The following PCBP3 variants were observed in gnomAD, a reference collection of about 807,000 sequenced individuals.
PCBP3 encodes poly(rC) binding protein 3.
A neutral mutation model predicts 52.7 loss-of-function variants in PCBP3; 25 were observed. The ratio of observed to expected loss-of-function variants is 0.47; its 90% confidence interval spans 0.35 to 0.66. The LOEUF is 0.66. PCBP3 is among the 30% of genes least tolerant of loss of function. The pLI is 0.01. For missense variants in PCBP3, 391 were observed against 490.3 expected, an observed-to-expected ratio of 0.80 and a Z score of 1.91; for synonymous variants, 162 against 183.0, an observed-to-expected ratio of 0.89 and a Z score of 0.93.
Position 45,880,768 on chromosome 21 carries a change from A to G in PCBP3, c.11-15440A>G, listed in dbSNP as rs2095383099. Among the ~76,000 whole-genome samples, 1 of 152,126 alleles carries G rather than the reference A, an allele frequency of 6.6e-6. No individual in the cohort carries two copies. ...CAATACCCTCCAGAAGAAGGTCCTG[A>G]TAAGTGGGTGGGAGAACTCACCCTG... On this transcript the variant is annotated intron_variant, in intron 5 of 17. Transcript: ENST00000681687. This position sits in a 1 kb window ranked among gnomAD's most constrained non-coding sequence, Gnocchi z 5.4.
At chr21:45,898,273 C>T (rs1056686900) in intron 6 of PCBP3, among the ~76,000 whole-genome samples, 1 of 151,972 alleles carries the variant, frequency 6.6e-6, no homozygotes, top group African/African-American at 2.4e-5. Flanking sequence ...CAGTGTCCTC[C>T]TCCCTCCACG....
intron 9 of PCBP3, among the ~76,000 whole-genome samples, chr21:45,905,525 C>T (rs1177019899): frequency 1.3e-5 from 2 of 152,248 alleles, no homozygotes; most frequent in Non-Finnish European, 2.9e-5. Flanking sequence ...CCTGCTTGGG[C>T]TGCCATTGCA....
intron 13 of PCBP3, among the ~76,000 whole-genome samples, chr21:45,923,843 C>T (rs2074867280): frequency 6.9e-6 from 1 of 145,682 alleles, no homozygotes; most frequent in Non-Finnish European, 1.5e-5. Context: ...ACACCGGGAA[C>T]AGTCGAGTGG....
At chr21:45,666,790 C>T (rs749536663) in intron 1 of PCBP3, among the ~76,000 whole-genome samples, 3 of 151,244 alleles carry the variant, frequency 2.0e-5, no homozygotes, top group African/African-American at 4.9e-5. Flanking sequence ...TGTAATAGCG[C>T]GATCTCAGCT....
chr21:45,644,327 G>T (rs1233609974), intron 1 of PCBP3, among the ~76,000 whole-genome samples: 2 of 151,698 alleles, frequency 1.3e-5, no homozygotes, highest in South Asian at 2.1e-4. Context: ...CTGGACGGCC[G>T]CCGGGAGAGC....
Position 45,816,742 on chromosome 21 carries a change from CT to C in PCBP3, c.-125-33207del, listed in dbSNP as rs35774407. 1.3e-3 allele frequency among the ~76,000 whole-genome samples: 186 copies of C among 142,482 alleles called. No individual in the cohort carries two copies. The East Asian group carries it at 0.019, about 15-fold the overall frequency. The allele number at this position is 142,482 out of a possible 152,430, so 93.5% of individuals were successfully genotyped here. The stretch of plus-strand genomic sequence containing the variant: ...CCTGACTGAGGCTGTTCTATGTTAA[CT>C]TTTTTTTTTTTAATAAATAGAAGGA... On this transcript the variant is annotated intron_variant, in intron 4 of 17. Transcript: ENST00000681687.
At chr21:45,814,660 GTGAGTGA>G (rs1205542585) in intron 4 of PCBP3, among the ~76,000 whole-genome samples, 11 of 132,894 alleles carry the variant, frequency 8.3e-5, no homozygotes, top group Admixed American at 1.5e-4. Flanking sequence ...TGAGTGAGTG[GTGAGTGA>G]TGAGTGGTGA....
intron 13 of PCBP3, among the ~76,000 whole-genome samples, chr21:45,921,952 G>A (rs955763327): frequency 1.3e-5 from 2 of 152,238 alleles, no homozygotes; most frequent in Non-Finnish European, 2.9e-5. Flanking sequence ...TTTTGAAGAG[G>A]CACAGAGCTG....
Position 45,831,545 on chromosome 21 carries a change from A to C in PCBP3, c.-125-18416A>C, listed in dbSNP as rs74749073. Among the ~76,000 whole-genome samples, 953 of 152,290 alleles carry C rather than the reference A, an allele frequency of 6.3e-3. 18 individuals carry two copies. Among genetic ancestry groups the C allele is most frequent in the East Asian group, 0.05 (257 of 5,186 alleles). ...TGGTTCTCAGCAGGATTTTCTAAAG[A>C]ATTTCATAGCTTTTCAACCTGAATT... is the stretch of plus-strand genomic sequence containing the variant. On this transcript the variant is annotated intron_variant, in intron 4 of 17. Transcript: ENST00000681687.
At chr21:45,907,164 C>T (rs575240020) in intron 9 of PCBP3, among the ~76,000 whole-genome samples, 20 of 152,320 alleles carry the variant, frequency 1.3e-4, no homozygotes, top group Admixed American at 1.3e-3. Flanking sequence ...CTCTGGTGTC[C>T]TTTCTGAATG....
chr21:45,935,558 A>G lies in PCBP3; in HGVS notation c.909+253A>G, dbSNP rs1033118727. On this transcript the variant is annotated intron_variant, in intron 16 of 17. Coordinates refer to ENST00000681687, the MANE Select transcript of PCBP3 (RefSeq NM_001384156.1). Reference sequence around the variant, plus strand: ...CTAAAGGGGACTTCAGATATTAATCAGTAGTCAGATGAGAGTTGGGCTGAG... The same window carrying G: ...CTAAAGGGGACTTCAGATATTAATCGGTAGTCAGATGAGAGTTGGGCTGAG... 7.2e-5 allele frequency: 44 copies of G among 614,352 alleles called. No individual in the cohort carries two copies. The Admixed American group carries it at 9.0e-4, about 13-fold the overall frequency. The allele number at this position is 614,352 out of a possible 1,614,324, so 38.1% of individuals were successfully genotyped here.
chr21:45,898,129 G>C (rs1273307589), intron 6 of PCBP3, among the ~76,000 whole-genome samples: 1 of 152,172 alleles, frequency 6.6e-6, no homozygotes, highest in Non-Finnish European at 1.5e-5. Flanking sequence ...TGGGTGTCAG[G>C]AGCCAAGGCG....
At chr21:45,831,625 G>A (rs1199219783) in intron 4 of PCBP3, among the ~76,000 whole-genome samples, 2 of 152,152 alleles carry the variant, frequency 1.3e-5, no homozygotes, top group South Asian at 2.1e-4. Context: ...CTGGAAGGGG[G>A]TCCCGATCCA....
At chr21:45,765,868 A>G (rs1323962239) in intron 4 of PCBP3, among the ~76,000 whole-genome samples, 5 of 152,224 alleles carry the variant, frequency 3.3e-5, no homozygotes, top group Admixed American at 6.5e-5. Context: ...AGAACGGGGA[A>G]GGCTCAAATT....
intron 2 of PCBP3, among the ~76,000 whole-genome samples, chr21:45,713,074 G>T (rs937283496): frequency 5.9e-5 from 9 of 152,172 alleles, no homozygotes; most frequent in Non-Finnish European, 1.0e-4. Flanking sequence ...TAATGCCTTT[G>T]CAGGAAGCTA....
At chr21:45,683,850 C>T (rs1310680296) in intron 2 of PCBP3, among the ~76,000 whole-genome samples, 16 of 151,598 alleles carry the variant, frequency 1.1e-4, no homozygotes, top group African/African-American at 3.2e-4. Context: ...GGCATGAACC[C>T]GGGAGGCAGA....
At chr21:45,930,677 G>C in intron 14 of PCBP3, 109 bp from the exon 15 acceptor site, 1 of 608,830 alleles carries the variant, frequency 1.6e-6, no homozygotes. Context: ...TGTGGCCAGA[G>C]AGAGCGCCGG....
Position 45,899,449 on chromosome 21 carries a change from AT to A in PCBP3, c.166-148del, listed in dbSNP as rs57360150. 4.4e-3 allele frequency: 2,804 copies of A among 639,504 alleles called. 68 individuals are homozygous for A. The African/African-American group carries it at 0.044, about 10-fold the overall frequency. The allele number at this position is 639,504 out of a possible 1,614,324, so 39.6% of individuals were successfully genotyped here. A position where few individuals can be genotyped will look rare whatever the true frequency, so the allele number is the denominator to read the frequency against. ...TACACACACCCCTCCCCACCAGCAG[AT>A]TCTGAATTCTCCCTTCTTCATGCAC... On this transcript the variant is annotated intron_variant, in intron 6 of 17. Coordinates refer to ENST00000681687, the MANE Select transcript of PCBP3 (RefSeq NM_001384156.1).
At chr21:45,780,962 C>T (rs920458928) in intron 4 of PCBP3, among the ~76,000 whole-genome samples, 6 of 152,068 alleles carry the variant, frequency 3.9e-5, no homozygotes, top group African/African-American at 1.4e-4. Flanking sequence ...TACATCTGGG[C>T]AGTCATTTGG....
Sources: gnomAD v4.1 joint callset for allele counts (sites outside exome capture counted in the v4.1 genomes callset) on GRCh38, gnomAD v4.1.1 for gene constraint, Gnocchi (gnomAD v3.1) non-coding constraint, MANE v1.5 for transcripts, NCBI Gene and HGNC (gene_info 2026-07-23, HGNC 2026-07-21) for gene names.